TXK: variants seen among roughly 807,000 people sequenced by gnomAD.
TXK encodes TXK tyrosine kinase, also known as tyrosine-protein kinase TXK.
A neutral mutation model predicts 81.0 loss-of-function variants in TXK; 60 were observed. The ratio of observed to expected loss-of-function variants is 0.74; its 90% confidence interval spans 0.60 to 0.92. TXK has a LOEUF of 0.92. Ranked by LOEUF, TXK falls within the 40% of genes least tolerant of loss-of-function variation. TXK has a pLI of 0.00. For synonymous variants in TXK, 203 were observed against 210.7 expected (o/e 0.96, Z 0.32); for missense variants, 581 against 638.3 (o/e 0.91, Z 0.97).
chr4:48,101,935 A>G (rs1002205212), intron 6 of TXK, among the ~76,000 whole-genome samples: 1 of 152,158 alleles, frequency 6.6e-6, no homozygotes, highest in Non-Finnish European at 1.5e-5. Flanking sequence ...TATAACTGAC[A>G]GAAAAGATCG....
rs778882392 is a variant in TXK, at chr4:48,076,376, T to C, written c.1238+26A>G. The stretch of plus-strand genomic sequence containing the variant: ...CTTATGAGTAAACAAACAAACAAAA[T>C]ACATATATATATACATAGCATGTAC... On this transcript the variant is annotated intron_variant, in intron 12 of 14. Transcript: ENST00000264316. The C allele has an allele frequency of 3.1e-5, 46 of 1,490,692 alleles. 1 individual carries two copies. Among genetic ancestry groups the C allele is most frequent in the Non-Finnish European group, 3.6e-5 (39 of 1,095,906 alleles). 92.3% of individuals were successfully genotyped at this position (1,490,692 alleles called of 1,614,324 possible). A position where few individuals can be genotyped will look rare whatever the true frequency, so the allele number is the denominator to read the frequency against.
At chr4:48,112,558 T>G (rs1238141940) in intron 3 of TXK, 46 bp from the exon 4 acceptor site, 11 of 1,540,072 alleles carry the variant, frequency 7.1e-6, no homozygotes, top group Non-Finnish European at 8.7e-6. Flanking sequence ...TTTTAATAAT[T>G]TGTACTAAAA....
chr4:48,126,386 C>T (rs561300456), intron 1 of TXK, among the ~76,000 whole-genome samples: 5 of 152,288 alleles, frequency 3.3e-5, no homozygotes, highest in East Asian at 1.9e-4. Context: ...ATACAAAATA[C>T]GTGTTGATCA....
chr4:48,128,116 A>C lies in TXK; in HGVS notation c.16+6039T>G, dbSNP rs141094396. On this transcript the variant is annotated intron_variant, in intron 1 of 14. Coordinates refer to ENST00000264316, the MANE Select transcript of TXK (RefSeq NM_003328.3). ...CCTCATGTCTAATGTTTTGAAGTTTACATCGTCACCTCCAGTTCATCCCCT... is the reference window on the plus strand; with the variant it reads ...CCTCATGTCTAATGTTTTGAAGTTTCCATCGTCACCTCCAGTTCATCCCCT... Among the ~76,000 whole-genome samples the C allele has an allele frequency of 1.9e-4, 29 of 152,346 alleles. No homozygotes were observed. In the East Asian group the frequency reaches 5.4e-3, roughly 28 times the overall value.
intron 1 of TXK, among the ~76,000 whole-genome samples, chr4:48,129,557 G>A (rs773304334): frequency 3.3e-5 from 5 of 152,008 alleles, no homozygotes; most frequent in East Asian, 1.9e-4. Context: ...ATGGAGTCCC[G>A]GGCACCAGGG....
intron 10 of TXK, among the ~76,000 whole-genome samples, chr4:48,083,977 T>C (rs925744343): frequency 1.3e-5 from 2 of 152,240 alleles, no homozygotes; most frequent in African/African-American, 2.4e-5. Flanking sequence ...TGCAAAGCTA[T>C]ATATACTCGG....
At position 48,128,561 on chromosome 4, in the gene TXK, C is replaced by CTTTT. The variant is rs58431850; in HGVS notation, c.16+5590_16+5593dup. Among the ~76,000 whole-genome samples the CTTTT allele has an allele frequency of 2.0e-3, 172 of 85,288 alleles. 3 individuals are homozygous for CTTTT. The highest frequency in any genetic ancestry group is 8.2e-3 in the East Asian group (22 of 2,686). The allele number at this position is 85,288 out of a possible 152,430, so 56.0% of individuals were successfully genotyped here. A position where few individuals can be genotyped will look rare whatever the true frequency, so the allele number is the denominator to read the frequency against. On this transcript the variant is annotated intron_variant, in intron 1 of 14. Coordinates refer to ENST00000264316, the MANE Select transcript of TXK (RefSeq NM_003328.3). ...TGCCATAAATGCCCACCACTACATCCTTTTTTTTTTTTTTTTTTTTTTGAG... is the reference window on the plus strand; with the variant it reads ...TGCCATAAATGCCCACCACTACATCCTTTTTTTTTTTTTTTTTTTTTTTTTTGAG...
intron 1 of TXK, among the ~76,000 whole-genome samples, chr4:48,117,766 T>C (rs1156489401): frequency 6.6e-6 from 1 of 152,220 alleles, no homozygotes; most frequent in Non-Finnish European, 1.5e-5. Flanking sequence ...TTTAAGACTT[T>C]ATTGTATCCT....
At chr4:48,121,654 T>C (rs888750657) in intron 1 of TXK, among the ~76,000 whole-genome samples, 3 of 152,230 alleles carry the variant, frequency 2.0e-5, no homozygotes, top group African/African-American at 7.2e-5. Context: ...ATGTAAATCA[T>C]TGTTACACTA....
chr4:48,114,531 G>C lies in TXK; in HGVS notation c.17-129C>G. ...GTCTCGATCGTGCCTTCCTTCACTA[G>C]TGGAAGACAAATAACTGTCACTAAA... On this transcript the variant is annotated intron_variant, in intron 1 of 14. Coordinates refer to ENST00000264316, the MANE Select transcript of TXK (RefSeq NM_003328.3). The C allele has an allele frequency of 3.3e-6, 3 of 922,850 alleles. No individual in the cohort carries two copies. In the Admixed American group the frequency reaches 6.5e-5, roughly 20 times the overall value. 57.2% of individuals were successfully genotyped at this position (922,850 alleles called of 1,614,324 possible). A position where few individuals can be genotyped will look rare whatever the true frequency, so the allele number is the denominator to read the frequency against.
At chr4:48,107,213 T>C (rs1718483838) in intron 5 of TXK, among the ~76,000 whole-genome samples, 2 of 151,646 alleles carry the variant, frequency 1.3e-5, no homozygotes, top group African/African-American at 4.9e-5. Context: ...ATATATAGTA[T>C]ACCAAATTTT....
At position 48,120,382 on chromosome 4, in the gene TXK, C is replaced by T. The variant is rs146990934; in HGVS notation, c.17-5980G>A. Reference sequence around the variant, plus strand: ...TATGTATATATAAAATACATATATACGTATATATATGCAGTTACTTTAGCT... The same window carrying T: ...TATGTATATATAAAATACATATATATGTATATATATGCAGTTACTTTAGCT... On this transcript the variant is annotated intron_variant, in intron 1 of 14. Transcript: ENST00000264316. Among the ~76,000 whole-genome samples, 506 of 150,182 alleles carry T rather than the reference C, an allele frequency of 3.4e-3. 4 individuals are homozygous for T. The highest frequency in any genetic ancestry group is 0.012 in the African/African-American group (480 of 40,952).
At chr4:48,097,595 G>A (rs1174022413) in intron 6 of TXK, among the ~76,000 whole-genome samples, 1 of 151,538 alleles carries the variant, frequency 6.6e-6, no homozygotes, top group Non-Finnish European at 1.5e-5. Context: ...CTGCCACCAT[G>A]CCCAGCTAAT....
chr4:48,104,882 C>T lies in TXK; in HGVS notation c.501+19G>A. The stretch of plus-strand genomic sequence containing the variant: ...ACTTCTCAGAGATTTTGAAAATGTC[C>T]ACAAATACATTGAATTACCTCTTGT... On this transcript the variant is annotated intron_variant, in intron 6 of 14. Coordinates refer to ENST00000264316, the MANE Select transcript of TXK (RefSeq NM_003328.3). 2 of 1,576,572 alleles carry T rather than the reference C, an allele frequency of 1.3e-6. No individual in the cohort carries two copies. The highest frequency in any genetic ancestry group is 1.7e-6 in the Non-Finnish European group (2 of 1,161,282).
intron 7 of TXK, 124 bp downstream of exon 7, chr4:48,095,019 G>A (rs993896857): frequency 3.0e-5 from 23 of 755,838 alleles, no homozygotes; most frequent in Admixed American, 9.4e-5. Context: ...TCACGGACTG[G>A]TTGGTTTTTC....
At chr4:48,115,475 G>T (rs1450215079) in intron 1 of TXK, among the ~76,000 whole-genome samples, 1 of 152,108 alleles carries the variant, frequency 6.6e-6, no homozygotes, top group Admixed American at 6.6e-5. Flanking sequence ...GAAAGAACTA[G>T]CTAGTAAGTC....
At chr4:48,089,634 C>T in intron 9 of TXK, 116 bp downstream of exon 9, 1 of 778,664 alleles carries the variant, frequency 1.3e-6, no homozygotes, top group Admixed American at 2.1e-5. Context: ...TAAGGTGATC[C>T]ACCCACCTTT....
chr4:48,101,931 T>G (rs928629959), intron 6 of TXK, among the ~76,000 whole-genome samples: 1 of 152,124 alleles, frequency 6.6e-6, no homozygotes, highest in African/African-American at 2.4e-5. Flanking sequence ...AACATATAAC[T>G]GACAGAAAAG....
In TXK at chr4:48,134,176, C is replaced by A. The variant is rs1414404109; in HGVS notation, c.-6G>T. 18 of 1,613,188 alleles carry A rather than the reference C, an allele frequency of 1.1e-5. No homozygotes were observed. In the East Asian group the frequency reaches 3.6e-4, roughly 32 times the overall value. On this transcript the variant is annotated 5_prime_UTR_variant, in exon 1 of 15. Coordinates refer to ENST00000264316, the MANE Select transcript of TXK (RefSeq NM_003328.3). ...TCACAGGAGGAAAGGATCATGGTAG[C>A]CCCTTCTGCGGGGAGCACACAACAG... is the stretch of plus-strand genomic sequence containing the variant.
Sources: allele counts gnomAD v4.1 joint callset (sites outside exome capture counted in the v4.1 genomes callset), GRCh38; gene constraint gnomAD v4.1.1; transcripts MANE v1.5; gene names NCBI Gene and HGNC (gene_info 2026-07-23, HGNC 2026-07-21).